The following HSD17B12 variants were observed in gnomAD, a reference collection of about 807,000 sequenced individuals.
HSD17B12 encodes the protein hydroxysteroid 17-beta dehydrogenase 12.
In HSD17B12, 32 loss-of-function variants were observed where a neutral mutation model predicts 39.3. That is an observed-to-expected ratio of 0.81 (90% CI 0.61 to 1.09). HSD17B12 has a LOEUF of 1.09. HSD17B12 is among the 50% of genes least tolerant of loss of function. The pLI, the probability that HSD17B12 is intolerant of heterozygous loss-of-function variation, is 0.00. For missense variants in HSD17B12, 342 were observed against 382.9 expected (o/e 0.89, Z 0.89); for synonymous variants, 150 against 146.7 (o/e 1.02, Z -0.16).
At chr11:43,682,960 T>A (rs1224568250) in intron 1 of HSD17B12, among the ~76,000 whole-genome samples, 1 of 151,958 alleles carries the variant, frequency 6.6e-6, no homozygotes, top group Non-Finnish European at 1.5e-5. Context: ...CCAGCTCATT[T>A]TTTTTGTTTT....
Position 43,727,721 on chromosome 11 carries a change from A to G in HSD17B12, c.161-23190A>G, listed in dbSNP as rs564962293. ...TCTCCAAGTATTTGGTGTTATGGTA[A>G]AACAGTAGGAAAAAAACACAACAAT... is the stretch of plus-strand genomic sequence containing the variant. On this transcript the variant is annotated intron_variant, in intron 1 of 10. Coordinates refer to ENST00000278353, the MANE Select transcript of HSD17B12 (RefSeq NM_016142.3). 4.6e-5 allele frequency among the ~76,000 whole-genome samples: 7 copies of G among 152,276 alleles called. No homozygotes were observed. In the South Asian group the frequency reaches 1.4e-3, roughly 32 times the overall value.
At chr11:43,802,980 G>C (rs1950985687) in intron 4 of HSD17B12, among the ~76,000 whole-genome samples, 1 of 152,072 alleles carries the variant, frequency 6.6e-6, no homozygotes, top group South Asian at 2.1e-4. Context: ...TATCTCATTA[G>C]CTGAGCTGTA....
At chr11:43,789,438 G>T (rs969679161) in intron 3 of HSD17B12, among the ~76,000 whole-genome samples, 2 of 152,214 alleles carry the variant, frequency 1.3e-5, no homozygotes, top group African/African-American at 4.8e-5. Context: ...AACAGACACA[G>T]ATCCTGCCCT....
At chr11:43,835,846 A>G (rs1951365020) in intron 7 of HSD17B12, among the ~76,000 whole-genome samples, 1 of 152,166 alleles carries the variant, frequency 6.6e-6, no homozygotes, top group South Asian at 2.1e-4. Flanking sequence ...TAAGGAGCAA[A>G]CAAGTAAGGG....
chr11:43,714,014 T>C (rs1227916435), intron 1 of HSD17B12, among the ~76,000 whole-genome samples: 1 of 152,242 alleles, frequency 6.6e-6, no homozygotes, highest in Non-Finnish European at 1.5e-5. Flanking sequence ...TTGTAGATTC[T>C]GGACATTAGC....
chr11:43,725,248 C>T (rs961536954), intron 1 of HSD17B12, among the ~76,000 whole-genome samples: 24 of 152,102 alleles, frequency 1.6e-4, no homozygotes, highest in Non-Finnish European at 1.6e-4. Context: ...CTTTTCTGAG[C>T]CTCAGTTTCT....
intron 1 of HSD17B12, among the ~76,000 whole-genome samples, chr11:43,691,128 C>T (rs1949858762): frequency 6.6e-6 from 1 of 152,176 alleles, no homozygotes; most frequent in Non-Finnish European, 1.5e-5. Context: ...ATTATGTCAT[C>T]GTCTTGCTAG....
intron 2 of HSD17B12, among the ~76,000 whole-genome samples, chr11:43,753,462 C>T (rs772996696): frequency 1.4e-5 from 2 of 145,970 alleles, no homozygotes; most frequent in Non-Finnish European, 3.0e-5. Context: ...AATCACGGCT[C>T]ACTGCAGTCT....
At chr11:43,689,439 C>G (rs1209504288) in intron 1 of HSD17B12, among the ~76,000 whole-genome samples, 1 of 152,230 alleles carries the variant, frequency 6.6e-6, no homozygotes, top group African/African-American at 2.4e-5. Context: ...TTATGTGATG[C>G]TCTGCCTAGA....
At chr11:43,611,167 T>C in the HSD17B12 span, among the ~76,000 whole-genome samples, 3 of 152,218 alleles carry the variant, frequency 2.0e-5, no homozygotes, top group Non-Finnish European at 4.4e-5. Flanking sequence ...TATATTTTAT[T>C]GGTGGATGAT....
At chr11:43,659,075 C>T in the HSD17B12 span, among the ~76,000 whole-genome samples, 1 of 152,210 alleles carries the variant, frequency 6.6e-6, no homozygotes, top group South Asian at 2.1e-4. Context: ...TGTTTACCTG[C>T]TCAAGCCTGG....
intron 1 of HSD17B12, among the ~76,000 whole-genome samples, chr11:43,710,801 G>T (rs183064458): frequency 1.3e-5 from 2 of 151,766 alleles, no homozygotes; most frequent in Non-Finnish European, 2.9e-5. Flanking sequence ...GTATTTTTTC[G>T]TTTTTTTGAG....
the HSD17B12 span, among the ~76,000 whole-genome samples, chr11:43,658,857 G>A: frequency 2.0e-5 from 3 of 152,354 alleles, no homozygotes; most frequent in South Asian, 4.1e-4. Context: ...CACTTGAGGA[G>A]GCAGTCTGCC....
intron 1 of HSD17B12, among the ~76,000 whole-genome samples, chr11:43,747,886 A>T (rs1433704448): frequency 6.6e-6 from 1 of 151,456 alleles, no homozygotes; most frequent in African/African-American, 2.4e-5. Flanking sequence ...TCTGGCCCCC[A>T]CTCTTTATGC....
the HSD17B12 span, among the ~76,000 whole-genome samples, chr11:43,623,550 G>T: frequency 6.6e-6 from 1 of 151,866 alleles, no homozygotes; most frequent in Non-Finnish European, 1.5e-5. Flanking sequence ...TCTGCATTCA[G>T]CTTTCTTGTC....
chr11:43,567,140 A>C, the HSD17B12 span, among the ~76,000 whole-genome samples: 1 of 152,212 alleles, frequency 6.6e-6, no homozygotes, highest in Non-Finnish European at 1.5e-5. Context: ...TGGGAGAGGA[A>C]GGTTATCCGG....
At chr11:43,849,246 A>G (rs989606926) in intron 9 of HSD17B12, among the ~76,000 whole-genome samples, 3 of 152,190 alleles carry the variant, frequency 2.0e-5, no homozygotes, top group Admixed American at 6.5e-5. Flanking sequence ...TGGAGGTTGC[A>G]GTGAGCTGAG....
chr11:43,801,638 G>GTA, intron 4 of HSD17B12, among the ~76,000 whole-genome samples: 1 of 104,940 alleles, frequency 9.5e-6, no homozygotes, highest in Non-Finnish European at 2.1e-5. Context: ...ATATGTATAT[G>GTA]TATGTATGTA....
the HSD17B12 span, among the ~76,000 whole-genome samples, chr11:43,590,487 T>C: frequency 6.8e-6 from 1 of 146,836 alleles, no homozygotes; most frequent in Admixed American, 6.8e-5. Context: ...TTACCATTTA[T>C]TTTGTAGTGG....
Sources: gnomAD v4.1 joint callset for allele counts (sites outside exome capture counted in the v4.1 genomes callset) on GRCh38, gnomAD v4.1.1 for gene constraint, MANE v1.5 for transcripts, NCBI Gene and HGNC (gene_info 2026-07-23, HGNC 2026-07-21) for gene names.